Variants in ALDH16A1 observed in about 807,000 individuals in gnomAD.
ALDH16A1 encodes aldehyde dehydrogenase family 16 member A1.
In ALDH16A1, 88 loss-of-function variants were observed where a neutral mutation model predicts 96.1. That is an observed-to-expected ratio of 0.92 (90% CI 0.77 to 1.09). The LOEUF is 1.09. ALDH16A1 is among the 50% of genes least tolerant of loss of function. ALDH16A1 has a pLI of 0.00. For synonymous variants in ALDH16A1, 522 were observed against 496.4 expected (o/e 1.05, Z -0.69); for missense variants, 1,250 against 1,112.6 (o/e 1.12, Z -1.76).
chr19:49,462,366 C>T (rs1421057757), intron 7 of ALDH16A1, among the ~76,000 whole-genome samples: 2 of 152,116 alleles, frequency 1.3e-5, no homozygotes, highest in Non-Finnish European at 2.9e-5. Context: ...AACTCCTGAC[C>T]TCAGGTGATC....
At chr19:49,467,396 C>CTTTT (rs111994857) in intron 14 of ALDH16A1, among the ~76,000 whole-genome samples, 1 of 131,180 alleles carries the variant, frequency 7.6e-6, no homozygotes. Context: ...TTCTTTCTTT[C>CTTTT]TTTTTTTTTT....
At position 49,459,874 on chromosome 19, in the gene ALDH16A1, A is replaced by C; in HGVS notation, c.499+26A>C. On this transcript the variant is annotated intron_variant, in intron 4 of 16. Transcript: ENST00000293350. The surrounding 1 kb of genome is among the most constrained non-coding windows in gnomAD (Gnocchi z 4.1). ...GTGAGACCCTGGAGTCCCTAGCCCT[A>C]TCCTCCCACATGACTCAGCAGTGCT... is the stretch of plus-strand genomic sequence containing the variant. 6.3e-7 allele frequency: 1 copy of C among 1,598,952 alleles called. No individual in the cohort carries two copies. Among genetic ancestry groups the C allele is most frequent in the Non-Finnish European group, 8.5e-7 (1 of 1,174,406 alleles).
chr19:49,468,204 C>G lies in ALDH16A1; in HGVS notation c.1939-177C>G. ...GGCGGTTATGCAGGATGTTTCTCACCGCCCGAACCCCCGTGGAATGATTCA... is the reference window on the plus strand; with the variant it reads ...GGCGGTTATGCAGGATGTTTCTCACGGCCCGAACCCCCGTGGAATGATTCA... On this transcript the variant is annotated intron_variant, in intron 14 of 16. Transcript: ENST00000293350. This position sits in a 1 kb window ranked among gnomAD's most constrained non-coding sequence, Gnocchi z 4.4. 1 of 592,554 alleles carries G rather than the reference C, an allele frequency of 1.7e-6. No homozygotes were observed. Among genetic ancestry groups the G allele is most frequent in the Non-Finnish European group, 2.9e-6 (1 of 346,038 alleles). 36.7% of individuals were successfully genotyped at this position (592,554 alleles called of 1,614,324 possible).
Position 49,468,669 on chromosome 19 carries a change from G to A in ALDH16A1, c.2124+103G>A. The stretch of plus-strand genomic sequence containing the variant: ...GCTTGTCTCTTACCCCACCCTCCGT[G>A]GTACCCATGCTGCCCCCAGCCCCAG... On this transcript the variant is annotated intron_variant, in intron 15 of 16. Transcript: ENST00000293350. This position sits in a 1 kb window ranked among gnomAD's most constrained non-coding sequence, Gnocchi z 4.4. 3 of 1,461,850 alleles carry A rather than the reference G, an allele frequency of 2.1e-6. No homozygotes were observed. The highest frequency in any genetic ancestry group is 2.5e-5 in the South Asian group (2 of 78,658). The allele number at this position is 1,461,850 out of a possible 1,614,324, so 90.6% of individuals were successfully genotyped here.
intron 1 of ALDH16A1, among the ~76,000 whole-genome samples, chr19:49,456,584 T>C (rs2079105844): frequency 1.3e-5 from 2 of 152,108 alleles, no homozygotes; most frequent in Non-Finnish European, 2.9e-5. Flanking sequence ...AGATGGGGTC[T>C]TGCTGTGTAG....
At position 49,464,651 on chromosome 19, in the gene ALDH16A1, G is replaced by A. The variant is rs200088188; in HGVS notation, c.1457G>A (p.Arg486Gln). 1.2e-5 allele frequency: 19 copies of A among 1,614,050 alleles called. No homozygotes were observed. In the East Asian group the frequency reaches 1.3e-4, roughly 11 times the overall value. ...TCACAGGGGCTGTATGAGTATCTGCGGCCCTCAGGGACCCCTGCCCGGCTG... is the reference window on the plus strand; with the variant it reads ...TCACAGGGGCTGTATGAGTATCTGCAGCCCTCAGGGACCCCTGCCCGGCTG... ...GGPDGLYEYL[R>Q]PSGTPARLSC... The change falls in exon 12 of 17, where the codon CGG becomes CAG. Residue 486 changes from arginine to glutamine, a missense_variant. Coordinates refer to ENST00000293350, the MANE Select transcript of ALDH16A1 (RefSeq NM_153329.4).
chr19:49,454,626 C>T (rs1343008689), intron 1 of ALDH16A1, among the ~76,000 whole-genome samples: 2 of 152,134 alleles, frequency 1.3e-5, no homozygotes, highest in African/African-American at 2.4e-5. Flanking sequence ...CCCCCAGGGT[C>T]CCCCAGCACC....
rs2079160752 is a variant in ALDH16A1, at chr19:49,462,678, G to A, written c.1021G>A (p.Asp341Asn). The A allele has an allele frequency of 6.2e-7, 1 of 1,609,878 alleles. No homozygotes were observed. The highest frequency in any genetic ancestry group is 8.5e-7 in the Non-Finnish European group (1 of 1,179,194). ...TGGCCGAGGGCTGGATGGGGCCGTG[G>A]ACATGGGGGCCCGGGGGGCTGCCGC... ...RSGRGLDGAV[D>N]MGARGAAACD... Residue 341 changes from aspartate to asparagine, a missense_variant, in exon 8 of 17, where the codon GAC becomes AAC. Transcript: ENST00000293350.
In ALDH16A1 at chr19:49,453,324, G is replaced by A. The variant is rs768608295; in HGVS notation, c.-8G>A. The A allele has an allele frequency of 1.9e-6, 3 of 1,559,100 alleles. No individual in the cohort carries two copies. The highest frequency in any genetic ancestry group is 2.4e-5 in the East Asian group (1 of 42,436). On this transcript the variant is annotated 5_prime_UTR_variant, in exon 1 of 17. Transcript: ENST00000293350. The stretch of plus-strand genomic sequence containing the variant: ...CGCAGTCTTCGCGGAAAGCGTTCGG[G>A]GTAGGCGATGGCTGCGACGCGTGCA...
In ALDH16A1 at chr19:49,462,648, C is replaced by T. The variant is rs768705914; in HGVS notation, c.991C>T (p.Arg331Trp). 1.2e-5 allele frequency: 19 copies of T among 1,612,248 alleles called. No individual in the cohort carries two copies. The highest frequency in any genetic ancestry group is 1.1e-4 in the East Asian group (5 of 44,874). Residue 331 changes from arginine (R) to tryptophan (W), a missense_variant, in exon 8 of 17, where the codon CGG becomes TGG. Coordinates refer to ENST00000293350, the MANE Select transcript of ALDH16A1 (RefSeq NM_153329.4). ...GCTGCAGGAGCGGATGGGGCGGCTT[C>T]GGAGTGGCCGAGGGCTGGATGGGGC... Reference protein sequence around the residue: ...RRLQERMGRLRSGRGLDGAVD... With the variant: ...RRLQERMGRLWSGRGLDGAVD...
At chr19:49,470,123 C>A in intron 16 of ALDH16A1, 183 bp from the exon 17 acceptor site, 1 of 678,594 alleles carries the variant, frequency 1.5e-6, no homozygotes, top group Non-Finnish European at 2.5e-6. Context: ...AATTCCCTAA[C>A]CACTGGGTCC....
Position 49,468,915 on chromosome 19 carries a change from C to T in ALDH16A1, c.2176C>T (p.Arg726Trp), listed in dbSNP as rs139039890. 405 of 1,614,016 alleles carry T rather than the reference C, an allele frequency of 2.5e-4. 1 individual carries two copies. The African/African-American group carries it at 4.6e-3, about 18-fold the overall frequency. The change falls in exon 16 of 17, where the codon CGG becomes TGG. Residue 726 changes from arginine (R) to tryptophan (W), a missense_variant. Transcript: ENST00000293350. This position sits in a 1 kb window ranked among gnomAD's most constrained non-coding sequence, Gnocchi z 4.4. ...CCTGGCCAACGTGGTGACAGGAGAC[C>T]GGGACCATCTGACCCGCTGCCTGGC... is the stretch of plus-strand genomic sequence containing the variant. ...AGLANVVTGD[R>W]DHLTRCLALH...
Position 49,466,098 on chromosome 19 carries a change from C to T in ALDH16A1, c.1753C>T (p.Pro585Ser). 1 of 1,545,772 alleles carries T rather than the reference C, an allele frequency of 6.5e-7. No homozygotes were observed. Among genetic ancestry groups the T allele is most frequent in the South Asian group, 1.2e-5 (1 of 84,284 alleles). The part of the protein sequence containing the change: ...QAFPGWAGQS[P>S]GARAALLWAL... ...TGCCCACAGCTGGGCGGGCCAGTCC[C>T]CAGGAGCCCGGGCAGCCCTGCTGTG... Residue 585 changes from proline (P) to serine (S), a missense_variant, in exon 14 of 17, where the codon CCA becomes TCA. Physicochemically the swap from Pro to Ser is moderately conservative, Grantham distance 74. Transcript: ENST00000293350.
chr19:49,466,281 C>T lies in ALDH16A1; in HGVS notation c.1936C>T (p.Gln646Ter). The part of the protein sequence containing the change: ...ARVQAQGHTL[Q>*]VAGLRGPVLR... Reference sequence around the variant, plus strand: ...GGTGCAGGCCCAAGGCCACACCCTGCAGGTGAAGGGTCTGTGGGCACCTGG... The same window carrying T: ...GGTGCAGGCCCAAGGCCACACCCTGTAGGTGAAGGGTCTGTGGGCACCTGG... Residue 646 changes from glutamine to a stop codon, truncating the protein, a stop_gained and splice_region_variant, in exon 14 of 17, where the codon CAG becomes TAG. Coordinates refer to ENST00000293350, the MANE Select transcript of ALDH16A1 (RefSeq NM_153329.4). LOFTEE classifies it high-confidence loss of function. 2.8e-6 allele frequency: 4 copies of T among 1,449,246 alleles called. No individual in the cohort carries two copies. Among genetic ancestry groups the T allele is most frequent in the Non-Finnish European group, 3.6e-6 (4 of 1,101,116 alleles). The allele number at this position is 1,449,246 out of a possible 1,614,324, so 89.8% of individuals were successfully genotyped here.
Position 49,466,107 on chromosome 19 carries a change from C to G in ALDH16A1, c.1762C>G (p.Arg588Gly). ...CTGGGCGGGCCAGTCCCCAGGAGCCCGGGCAGCCCTGCTGTGGGCCCTGGC... is the reference window on the plus strand; with the variant it reads ...CTGGGCGGGCCAGTCCCCAGGAGCCGGGGCAGCCCTGCTGTGGGCCCTGGC... ...PGWAGQSPGA[R>G]AALLWALAAA... is the part of the protein sequence containing the mutation. Residue 588 changes from arginine (R) to glycine (G), a missense_variant, in exon 14 of 17, where the codon CGG becomes GGG. Coordinates refer to ENST00000293350, the MANE Select transcript of ALDH16A1 (RefSeq NM_153329.4). The G allele has an allele frequency of 2.6e-6, 4 of 1,548,310 alleles. No homozygotes were observed. Among genetic ancestry groups the G allele is most frequent in the South Asian group, 2.4e-5 (2 of 84,422 alleles).
In ALDH16A1 at chr19:49,453,259, GC is replaced by G; in HGVS notation, c.-72del. The G allele has an allele frequency of 7.3e-7, 1 of 1,377,912 alleles. No homozygotes were observed. The highest frequency in any genetic ancestry group is 2.6e-5 in the East Asian group (1 of 39,196). The allele number at this position is 1,377,912 out of a possible 1,614,324, so 85.4% of individuals were successfully genotyped here. On this transcript the variant is annotated 5_prime_UTR_variant, in exon 1 of 17. Coordinates refer to ENST00000293350, the MANE Select transcript of ALDH16A1 (RefSeq NM_153329.4). ...CCTTTGGGCTGGAACCGGAGGTGTC[GC>G]TCTTCGGACCTCAAGGTTCCCCTTA...
chr19:49,456,270 G>A (rs752106033), intron 1 of ALDH16A1, among the ~76,000 whole-genome samples: 1 of 152,118 alleles, frequency 6.6e-6, no homozygotes, highest in Non-Finnish European at 1.5e-5. Context: ...ACAAATCCTG[G>A]ATGTCACAGT....
rs1411035638 is a variant in ALDH16A1, at chr19:49,461,624, A to T, written c.583A>T (p.Thr195Ser). Residue 195 changes from threonine (T) to serine (S), a missense_variant, in exon 6 of 17, where the codon ACC becomes TCC. Thr to Ser is a moderately conservative substitution (Grantham distance 58). Coordinates refer to ENST00000293350, the MANE Select transcript of ALDH16A1 (RefSeq NM_153329.4). ...GAGCTGCCCCACTTCCCCAGGCTGC[A>T]CCGTGGTGGCCCTCGTGCCCCCGGC... ...RICPALAVGC[T>S]VVALVPPASP... 3.2e-6 allele frequency: 5 copies of T among 1,586,024 alleles called. No homozygotes were observed. The highest frequency in any genetic ancestry group is 4.3e-6 in the Non-Finnish European group (5 of 1,167,546).
intron 11 of ALDH16A1, 27 bp downstream of exon 11, chr19:49,464,549 GCCCCCCCGC>G (rs766007240): frequency 9.3e-6 from 15 of 1,612,536 alleles, no homozygotes; most frequent in Non-Finnish European, 1.3e-5. Context: ...CCCGTCACCA[GCCCCCCCGC>G]CGCCCCATGC....
Sources: gnomAD v4.1 joint callset for allele counts (sites outside exome capture counted in the v4.1 genomes callset) on GRCh38, gnomAD v4.1.1 for gene constraint, Gnocchi (gnomAD v3.1) non-coding constraint, MANE v1.5 for transcripts, NCBI Gene and HGNC (gene_info 2026-07-23, HGNC 2026-07-21) for gene names.